The following EPHA6 variants were observed in gnomAD, a reference collection of about 807,000 sequenced individuals.
EPHA6 encodes the protein EPH receptor A6, also known as ephrin type-A receptor 6.
A neutral mutation model predicts 112.0 loss-of-function variants in EPHA6; 50 were observed. The ratio of observed to expected loss-of-function variants is 0.45; its 90% confidence interval spans 0.36 to 0.56. The LOEUF (loss-of-function observed/expected upper bound fraction) is 0.56. Ranked by LOEUF, EPHA6 falls within the 20% of genes least tolerant of loss-of-function variation. The pLI is 0.00. For synonymous variants in EPHA6, 529 were observed against 490.7 expected, an observed-to-expected ratio of 1.08 and a Z score of -1.03; for missense variants, 1,280 against 1,417.4, an observed-to-expected ratio of 0.90 and a Z score of 1.56.
chr3:96,934,103 A>G (rs1227697223), intron 2 of EPHA6, among the ~76,000 whole-genome samples: 2 of 152,012 alleles, frequency 1.3e-5, no homozygotes, highest in Non-Finnish European at 2.9e-5. Flanking sequence ...TTTTAAAAAT[A>G]TGAAATACCT....
chr3:97,170,376 A>G (rs2076666020), intron 3 of EPHA6, among the ~76,000 whole-genome samples: 2 of 152,160 alleles, frequency 1.3e-5, no homozygotes, highest in African/African-American at 4.8e-5. Flanking sequence ...ATCTGCAGGA[A>G]TGAGCCATGA....
intron 5 of EPHA6, among the ~76,000 whole-genome samples, chr3:97,328,084 G>C (rs1490008903): frequency 1.0e-5 from 1 of 99,834 alleles, no homozygotes; most frequent in Non-Finnish European, 1.7e-5. Flanking sequence ...TATATAACCT[G>C]TTTTGTATAA....
intron 13 of EPHA6, among the ~76,000 whole-genome samples, chr3:97,635,423 A>G (rs1436100148): frequency 6.6e-6 from 1 of 152,126 alleles, no homozygotes; most frequent in Non-Finnish European, 1.5e-5. Context: ...TAAGTCAAAT[A>G]TCCATCAACT....
At chr3:97,016,114 A>G (rs2044258914) in intron 3 of EPHA6, among the ~76,000 whole-genome samples, 1 of 151,820 alleles carries the variant, frequency 6.6e-6, no homozygotes, top group Admixed American at 6.6e-5. Context: ...TGAATGAAAC[A>G]TTGAAGATAT....
Position 97,748,115 on chromosome 3 carries a change from C to A in EPHA6, c.3279-472C>A, listed in dbSNP as rs375307488. Among the ~76,000 whole-genome samples the A allele has an allele frequency of 9.2e-5, 14 of 152,184 alleles. No homozygotes were observed. The South Asian group carries it at 2.7e-3, about 29-fold the overall frequency. On this transcript the variant is annotated intron_variant, in intron 17 of 17. Coordinates refer to ENST00000389672, the MANE Select transcript of EPHA6 (RefSeq NM_001080448.3). ...ACAGTAATGGCAATTTCATACAGTA[C>A]AACCTAAGGGCATTTTTTCTAGATA...
chr3:96,947,890 A>C (rs1396113995), intron 2 of EPHA6, among the ~76,000 whole-genome samples: 1 of 152,172 alleles, frequency 6.6e-6, no homozygotes, highest in Non-Finnish European at 1.5e-5. Flanking sequence ...CAGAATTGGA[A>C]AAAACTACTT....
At chr3:96,903,634 T>C (rs1213158901) in intron 2 of EPHA6, among the ~76,000 whole-genome samples, 4 of 152,144 alleles carry the variant, frequency 2.6e-5, no homozygotes, top group African/African-American at 9.7e-5. Context: ...AATAATTTTT[T>C]AAACAATTTT....
In EPHA6 at chr3:97,596,902, ATATG is replaced by A. The variant is rs1165537934; in HGVS notation, c.2512+4173_2512+4176del. 6.7e-4 allele frequency among the ~76,000 whole-genome samples: 77 copies of A among 114,320 alleles called. 1 individual carries two copies. Among genetic ancestry groups the A allele is most frequent in the Middle Eastern group, 5.3e-3 (1 of 190 alleles). 75.0% of individuals were successfully genotyped at this position (114,320 alleles called of 152,430 possible). A position where few individuals can be genotyped will look rare whatever the true frequency, so the allele number is the denominator to read the frequency against. ...TATATATATATATATATATATATAT[ATATG>A]TATGTATATATGCCAGATTGGATTA... On this transcript the variant is annotated intron_variant, in intron 12 of 17. Transcript: ENST00000389672.
At chr3:97,017,227 T>TA (rs1026310595) in intron 3 of EPHA6, among the ~76,000 whole-genome samples, 1 of 152,182 alleles carries the variant, frequency 6.6e-6, no homozygotes, top group African/African-American at 2.4e-5. Context: ...AGTCCTGACT[T>TA]ACTGATGGCA....
chr3:97,690,434 A>T (rs1257049707), intron 14 of EPHA6, among the ~76,000 whole-genome samples: 1 of 149,194 alleles, frequency 6.7e-6, no homozygotes, highest in Non-Finnish European at 1.5e-5. Context: ...TTAGCCATTC[A>T]TCTGTCTTCT....
At chr3:96,851,768 G>C (rs2035401339) in intron 1 of EPHA6, among the ~76,000 whole-genome samples, 2 of 151,864 alleles carry the variant, frequency 1.3e-5, no homozygotes. Context: ...AGAATTTGAT[G>C]TTTTTCATAA....
chr3:97,089,459 A>G (rs940134091), intron 3 of EPHA6, among the ~76,000 whole-genome samples: 1 of 151,988 alleles, frequency 6.6e-6, no homozygotes, highest in Non-Finnish European at 1.5e-5. Flanking sequence ...TCTTTCTGTA[A>G]TCTTTCTGAT....
intron 10 of EPHA6, among the ~76,000 whole-genome samples, chr3:97,496,039 G>A (rs1029359136): frequency 2.6e-5 from 4 of 152,056 alleles, no homozygotes; most frequent in Admixed American, 2.6e-4. Context: ...TTGACTTTTT[G>A]AAAGACGGAC....
At chr3:97,252,156 G>C (rs2079160267) in intron 5 of EPHA6, among the ~76,000 whole-genome samples, 1 of 152,108 alleles carries the variant, frequency 6.6e-6, no homozygotes, top group South Asian at 2.1e-4. Context: ...ACTCAGGAAG[G>C]TTGGGAAGTA....
At chr3:97,363,857 A>G (rs114745670) in intron 5 of EPHA6, among the ~76,000 whole-genome samples, 15 of 152,272 alleles carry the variant, frequency 9.9e-5, no homozygotes, top group African/African-American at 3.6e-4. Context: ...ATGCTATAAC[A>G]TAGATTATCC....
intron 1 of EPHA6, among the ~76,000 whole-genome samples, chr3:96,829,541 G>C (rs1017101171): frequency 1.3e-5 from 2 of 152,118 alleles, no homozygotes; most frequent in African/African-American, 4.8e-5. Flanking sequence ...CAGAGGAAAA[G>C]AGGTGTGGTC....
At chr3:96,985,265 A>G (rs1054378126) in intron 2 of EPHA6, among the ~76,000 whole-genome samples, 4 of 152,232 alleles carry the variant, frequency 2.6e-5, no homozygotes, top group African/African-American at 9.6e-5. Flanking sequence ...ATAATAATGT[A>G]TATGCATTCC....
At chr3:97,334,416 C>A (rs1284275864) in intron 5 of EPHA6, among the ~76,000 whole-genome samples, 2 of 151,064 alleles carry the variant, frequency 1.3e-5, no homozygotes, top group Non-Finnish European at 2.9e-5. Context: ...CCAGTGAAAT[C>A]ACTTGTGCCT....
intron 2 of EPHA6, among the ~76,000 whole-genome samples, chr3:96,883,092 G>A (rs2037419658): frequency 6.6e-6 from 1 of 152,034 alleles, no homozygotes; most frequent in African/African-American, 2.4e-5. Context: ...AACATCTATT[G>A]TTTTTTGATT....
Sources: allele counts gnomAD v4.1 joint callset (sites outside exome capture counted in the v4.1 genomes callset), GRCh38; gene constraint gnomAD v4.1.1; transcripts MANE v1.5; gene names NCBI Gene and HGNC (gene_info 2026-07-23, HGNC 2026-07-21).